Variants in DEGS2 observed in about 807,000 individuals in gnomAD.
DEGS2 encodes delta 4-desaturase, sphingolipid 2, also known as sphingolipid delta(4)-desaturase/C4-monooxygenase DES2.
In DEGS2, 19 loss-of-function variants were observed where a neutral mutation model predicts 23.8. The ratio of observed to expected loss-of-function variants is 0.80; its 90% confidence interval spans 0.56 to 1.17. The LOEUF is 1.17. Ranked by LOEUF, DEGS2 falls within the 50% of genes most tolerant of loss-of-function variation. DEGS2 has a pLI of 0.00. For missense variants in DEGS2, 390 were observed against 459.5 expected, an observed-to-expected ratio of 0.85 and a Z score of 1.38; for synonymous variants, 218 against 213.7, an observed-to-expected ratio of 1.02 and a Z score of -0.18.
chr14:100,156,827 G>C (rs1377137004), intron 1 of DEGS2, among the ~76,000 whole-genome samples: 5 of 4,370 alleles, frequency 1.1e-3, no homozygotes, highest in Non-Finnish European at 1.6e-3. Context: ...ACATTCACCT[G>C]GGGGAACAGC....
upstream of DEGS2, among the ~76,000 whole-genome samples, chr14:100,163,547 CAT>C (rs1889773817): frequency 6.6e-6 from 1 of 152,198 alleles, no homozygotes; most frequent in Non-Finnish European, 1.5e-5. Context: ...CAAGCGGCCT[CAT>C]AGCCAGACTG....
chr14:100,149,740 C>A, intron 1 of DEGS2, 30 bp from the exon 2 acceptor site: 1 of 1,566,552 alleles, frequency 6.4e-7, no homozygotes, highest in Non-Finnish European at 8.7e-7. Flanking sequence ...GTATGAGGCC[C>A]CGCTCGGTGG....
At chr14:100,166,224 G>A in the DEGS2 span, among the ~76,000 whole-genome samples, 9 of 107,672 alleles carry the variant, frequency 8.4e-5, no homozygotes, top group Non-Finnish European at 1.6e-4. Flanking sequence ...AGTGGGGGAA[G>A]CCCATCCAGG....
chr14:100,148,334 C>T (rs1276561572), intron 2 of DEGS2, among the ~76,000 whole-genome samples: 1 of 152,202 alleles, frequency 6.6e-6, no homozygotes, highest in Non-Finnish European at 1.5e-5. Flanking sequence ...AGTGCCACCT[C>T]CTCCCGCCCC....
rs201707752 is a variant in DEGS2 at position 100,148,431 on chromosome 14, CCCCCTT to C, written c.825+531_825+536del. Reference sequence around the variant, plus strand: ...CAATGGCTGAGGGACGGCTCCTCCTCCCCCTTCCCCTTCCTCCTTTCTCATTCAGAA... The same window carrying C: ...CAATGGCTGAGGGACGGCTCCTCCTCCCCCTTCCTCCTTTCTCATTCAGAA... On this transcript the variant is annotated intron_variant, in intron 2 of 2. Coordinates refer to ENST00000305631, the MANE Select transcript of DEGS2 (RefSeq NM_206918.3). Among the ~76,000 whole-genome samples the C allele has an allele frequency of 3.3e-3, 499 of 152,358 alleles. 15 individuals carry two copies. The highest frequency in any genetic ancestry group is 0.026 in the Admixed American group (405 of 15,308).
At chr14:100,165,414 C>T in the DEGS2 span, among the ~76,000 whole-genome samples, 13 of 152,272 alleles carry the variant, frequency 8.5e-5, no homozygotes, top group Non-Finnish European at 7.3e-5. Flanking sequence ...CGCCGTGTGG[C>T]GCAGCCCCTG....
chr14:100,159,657 C>G, upstream of DEGS2: 1 of 725,004 alleles, frequency 1.4e-6, no homozygotes. Context: ...GCGGCCGCGG[C>G]GCGGAACCAG....
chr14:100,148,400 G>C (rs1454187134), intron 2 of DEGS2, among the ~76,000 whole-genome samples: 2 of 152,226 alleles, frequency 1.3e-5, no homozygotes, highest in Admixed American at 1.3e-4. Context: ...CCAAGGCACA[G>C]GCTGGCAATG....
chr14:100,159,119 T>G (rs7157984), intron 1 of DEGS2, among the ~76,000 whole-genome samples: 118,568 of 152,062 alleles, frequency 0.78, 46,685 homozygotes, highest in African/African-American at 0.89. Flanking sequence ...AGGCCCCGCG[T>G]CGCGCAAGCT....
chr14:100,154,355 CAAA>C (rs5810980), intron 1 of DEGS2, among the ~76,000 whole-genome samples: 121 of 138,176 alleles, frequency 8.8e-4, no homozygotes, highest in South Asian at 1.4e-3. Flanking sequence ...CAAAGCGTCT[CAAA>C]AAAAAAAAAA....
chr14:100,159,108 G>C (rs552240030), intron 1 of DEGS2, among the ~76,000 whole-genome samples: 21 of 152,260 alleles, frequency 1.4e-4, no homozygotes, highest in African/African-American at 4.6e-4. Context: ...ACTGCGGGTG[G>C]AGGCCCCGCG....
chr14:100,164,058 A>C (rs1484818125), upstream of DEGS2, among the ~76,000 whole-genome samples: 1 of 152,098 alleles, frequency 6.6e-6, no homozygotes, highest in Non-Finnish European at 1.5e-5. Context: ...TCCACAAAAA[A>C]TACAAAAATT....
In DEGS2 at chr14:100,147,086, G is replaced by T. The variant is rs144413777; in HGVS notation, c.826-179C>A. The stretch of plus-strand genomic sequence containing the variant: ...GTGTACATAATGCAAACACACCGTC[G>T]CCTCTGGGGTGCCCATGTCCAGCTT... On this transcript the variant is annotated intron_variant, in intron 2 of 2. Coordinates refer to ENST00000305631, the MANE Select transcript of DEGS2 (RefSeq NM_206918.3). Among the ~76,000 whole-genome samples, 56 of 152,292 alleles carry T rather than the reference G, an allele frequency of 3.7e-4. No individual in the cohort carries two copies. In the East Asian group the frequency reaches 0.011, roughly 29 times the overall value.
At chr14:100,155,871 A>C (rs1000624952) in intron 1 of DEGS2, among the ~76,000 whole-genome samples, 17 of 152,074 alleles carry the variant, frequency 1.1e-4, no homozygotes, top group Admixed American at 2.6e-4. Flanking sequence ...TTTCAAAAAA[A>C]AAACAAACCC....
At chr14:100,158,965 C>CT (rs1889703160) in intron 1 of DEGS2, among the ~76,000 whole-genome samples, 1 of 152,254 alleles carries the variant, frequency 6.6e-6, no homozygotes, top group South Asian at 2.1e-4. Flanking sequence ...ACAATCTTTG[C>CT]TTTTTTCAAA....
rs374293663 is a variant in DEGS2, at chr14:100,149,713, G to A, written c.83-3C>T. ...GGCCTTGATGGCCGGGTACTTGGCT[G>A]CAAGGAAGACAGGGAGGTATGAGGC... On this transcript the variant is annotated splice_region_variant and splice_polypyrimidine_tract_variant and intron_variant, in intron 1 of 2. Transcript: ENST00000305631. 24 of 1,592,996 alleles carry A rather than the reference G, an allele frequency of 1.5e-5. No homozygotes were observed. The highest frequency in any genetic ancestry group is 2.0e-5 in the Non-Finnish European group (23 of 1,168,892).
chr14:100,160,045 A>G (rs968903504), upstream of DEGS2: 1 of 152,986 alleles, frequency 6.5e-6, no homozygotes, highest in African/African-American at 2.4e-5. Flanking sequence ...CCCTGCCCCA[A>G]GGAGGAGCGG....
At chr14:100,159,401 T>G in intron 1 of DEGS2, 105 bp downstream of exon 1, 1 of 880,972 alleles carries the variant, frequency 1.1e-6, no homozygotes, top group African/African-American at 1.8e-5. Context: ...CCCACTGGAA[T>G]TTGGGCCAGA....
intron 1 of DEGS2, among the ~76,000 whole-genome samples, chr14:100,150,257 T>C (rs1278670353): frequency 6.6e-6 from 1 of 152,106 alleles, no homozygotes; most frequent in Non-Finnish European, 1.5e-5. Context: ...TGTCTGTATG[T>C]AGGCTGAGAC....
Sources: allele counts gnomAD v4.1 joint callset (sites outside exome capture counted in the v4.1 genomes callset), GRCh38; gene constraint gnomAD v4.1.1; transcripts MANE v1.5; gene names NCBI Gene and HGNC (gene_info 2026-07-23, HGNC 2026-07-21).